RYR1: variants seen among roughly 807,000 people sequenced by gnomAD.
The protein encoded by RYR1 is ryanodine receptor 1.
In RYR1, 342 loss-of-function variants were observed where a neutral mutation model predicts 583.5. The ratio of observed to expected loss-of-function variants is 0.59; its 90% confidence interval spans 0.54 to 0.64. The LOEUF is 0.64. Ranked by LOEUF, RYR1 falls within the 30% of genes least tolerant of loss-of-function variation. The pLI, the probability that RYR1 is intolerant of heterozygous loss-of-function variation, is 0.00. For synonymous variants in RYR1, 2,791 were observed against 2,822.5 expected (o/e 0.99, Z 0.35); for missense variants, 6,032 against 6,917.2 (o/e 0.87, Z 4.54).
chr19:38,458,610 T>TTTA (rs1354010202), intron 18 of RYR1, among the ~76,000 whole-genome samples: 169 of 148,872 alleles, frequency 1.1e-3, no homozygotes, highest in East Asian at 1.0e-2. Flanking sequence ...TATTTATTTA[T>TTTA]TTTGTTTGTT....
intron 76 of RYR1, among the ~76,000 whole-genome samples, chr19:38,529,761 T>G (rs758237106): frequency 6.6e-6 from 1 of 152,180 alleles, no homozygotes; most frequent in East Asian, 1.9e-4. Flanking sequence ...ACAGGCTTAG[T>G]AATAAATAAT....
chr19:38,571,831 A>T (rs1379471404), intron 94 of RYR1, among the ~76,000 whole-genome samples, 188 bp from the exon 95 acceptor site: 1 of 152,176 alleles, frequency 6.6e-6, no homozygotes, highest in East Asian at 1.9e-4. Context: ...TCAGTTCAAT[A>T]GGCTAATTCC....
chr19:38,538,011 A>G, intron 84 of RYR1, 51 bp downstream of exon 84: 1 of 1,570,274 alleles, frequency 6.4e-7, no homozygotes, highest in South Asian at 1.1e-5. Flanking sequence ...TGGGGCTGGT[A>G]CGGAAGGGTT....
intron 93 of RYR1, 42 bp downstream of exon 93, chr19:38,567,959 G>A: frequency 1.2e-6 from 2 of 1,608,750 alleles, no homozygotes; most frequent in Non-Finnish European, 1.7e-6. Context: ...TTCTCCCCGG[G>A]AGCCCCACCT....
At chr19:38,450,638 G>T (rs563708732) in intron 11 of RYR1, among the ~76,000 whole-genome samples, 1 of 152,236 alleles carries the variant, frequency 6.6e-6, no homozygotes, top group South Asian at 2.1e-4. Context: ...GGGTGCAAAA[G>T]ACTGGTTGGA....
Position 38,493,639 on chromosome 19 carries a change from C to T in RYR1, c.6275-713C>T, listed in dbSNP as rs144967889. On this transcript the variant is annotated intron_variant, in intron 38 of 105. Transcript: ENST00000359596. The stretch of plus-strand genomic sequence containing the variant: ...GGTTCAAGCGATTCTCCTGCTTCAG[C>T]CTCCAGAGTAGCTGGGACTACAGGC... Among the ~76,000 whole-genome samples the T allele has an allele frequency of 4.4e-3, 664 of 151,914 alleles. 3 individuals are homozygous for T. Among genetic ancestry groups the T allele is most frequent in the African/African-American group, 0.015 (638 of 41,424 alleles).
Position 38,483,241 on chromosome 19 carries a change from G to A in RYR1, c.4708-49G>A. ...GGTCTCCCTGGAAGTGGTGTGGTGGGACAGAGGGGGCTGGCCATCTTGACC... is the reference window on the plus strand; with the variant it reads ...GGTCTCCCTGGAAGTGGTGTGGTGGAACAGAGGGGGCTGGCCATCTTGACC... On this transcript the variant is annotated intron_variant, in intron 32 of 105. Coordinates refer to ENST00000359596, the MANE Select transcript of RYR1 (RefSeq NM_000540.3). This position sits in a 1 kb window ranked among gnomAD's most constrained non-coding sequence, Gnocchi z 6.3. The A allele has an allele frequency of 6.3e-7, 1 of 1,575,674 alleles. No homozygotes were observed.
At position 38,575,829 on chromosome 19, in the gene RYR1, G is replaced by A. The variant is rs1973932125; in HGVS notation, c.14130-90G>A. The A allele has an allele frequency of 4.4e-6, 6 of 1,366,700 alleles. No homozygotes were observed. The Admixed American group carries it at 6.7e-5, about 15-fold the overall frequency. The allele number at this position is 1,366,700 out of a possible 1,614,324, so 84.7% of individuals were successfully genotyped here. On this transcript the variant is annotated intron_variant, in intron 96 of 105. Coordinates refer to ENST00000359596, the MANE Select transcript of RYR1 (RefSeq NM_000540.3). ...AAAAAAAAGGAAAAAGAAAAACAGT[G>A]GAGTTTCAGCCAACCCTGTCGTGGC...
At chr19:38,460,326 G>A (rs937182574) in intron 19 of RYR1, 49 bp from the exon 20 acceptor site, 5 of 1,536,236 alleles carry the variant, frequency 3.3e-6, no homozygotes, top group Non-Finnish European at 4.5e-6. Context: ...ACCACAGACT[G>A]TCCCCCATAA....
In RYR1 at chr19:38,527,650, G is replaced by A; in HGVS notation, c.10690G>A (p.Glu3564Lys). Reference protein sequence around the residue: ...HNNLHLQGKVEGSPSLRWQMA... With the variant: ...HNNLHLQGKVKGSPSLRWQMA... ...CACTCCTTCTTCCTCCCTTCAGGTC[G>A]AAGGCTCCCCGTCTCTGCGCTGGCA... is the stretch of plus-strand genomic sequence containing the variant. The change falls in exon 73 of 106, where the codon GAA becomes AAA. Residue 3564 changes from glutamate (E) to lysine (K), a missense_variant. Physicochemically the swap from Glu to Lys is moderately conservative, Grantham distance 56. Coordinates refer to ENST00000359596, the MANE Select transcript of RYR1 (RefSeq NM_000540.3). 6.2e-7 allele frequency: 1 copy of A among 1,614,090 alleles called. No individual in the cohort carries two copies. Among genetic ancestry groups the A allele is most frequent in the African/African-American group, 1.3e-5 (1 of 75,068 alleles).
chr19:38,494,798 A>G (rs1969733081), intron 39 of RYR1, among the ~76,000 whole-genome samples, 173 bp downstream of exon 39: 1 of 150,200 alleles, frequency 6.7e-6, no homozygotes, highest in Admixed American at 6.6e-5. Flanking sequence ...CTCCGCCCTC[A>G]GTGGTAGCAG....
At position 38,444,640 on chromosome 19, in the gene RYR1, A is replaced by G. The variant is rs2229139; in HGVS notation, c.594A>G (p.Leu198=). 0.62 allele frequency: 1,004,934 copies of G among 1,612,584 alleles called. 316,828 individuals are homozygous for G. The highest frequency in any genetic ancestry group is 0.68 in the Admixed American group (40,548 of 59,862). Residue 198 remains leucine, a synonymous_variant, in exon 7 of 106, where the codon CTA becomes CTG. Coordinates refer to ENST00000359596, the MANE Select transcript of RYR1 (RefSeq NM_000540.3). This position sits in a 1 kb window ranked among gnomAD's most constrained non-coding sequence, Gnocchi z 5.1. ...TTGACGCTTCCTTCATGCAGACACT[A>G]TGGAACATGAACCCCATCTGCTCCC... The part of the protein sequence containing the change: ...LQVDASFMQT[L]WNMNPICSRC...
chr19:38,537,987 G>C (rs747814589), intron 84 of RYR1, 27 bp downstream of exon 84: 3 of 1,598,572 alleles, frequency 1.9e-6, no homozygotes, highest in East Asian at 4.5e-5. Context: ...TGGGGTGGAG[G>C]GGAAGCCGAG....
In RYR1 at chr19:38,500,735, G is replaced by A. The variant is rs762924971; in HGVS notation, c.7444+9G>A. 5.0e-6 allele frequency: 8 copies of A among 1,614,072 alleles called. No homozygotes were observed. The South Asian group carries it at 6.6e-5, about 13-fold the overall frequency. On this transcript the variant is annotated intron_variant, in intron 46 of 105. Transcript: ENST00000359596. This position sits in a 1 kb window ranked among gnomAD's most constrained non-coding sequence, Gnocchi z 5.9. ...TCCCACCCTGGGCAAAGGTGCAGAG[G>A]GGATGGAACTTGGCGAAGGAGTGAT... is the stretch of plus-strand genomic sequence containing the variant.
intron 27 of RYR1, among the ~76,000 whole-genome samples, chr19:38,470,394 C>T (rs561915629): frequency 3.3e-5 from 5 of 149,450 alleles, no homozygotes; most frequent in Admixed American, 6.7e-5. Context: ...GCTGATTACA[C>T]GACTGCACTC....
chr19:38,567,722 A>G (rs373828725), intron 92 of RYR1, 51 bp from the exon 93 acceptor site: 222 of 1,613,892 alleles, frequency 1.4e-4, no homozygotes, highest in Non-Finnish European at 1.8e-4. Flanking sequence ...GAATGAACTC[A>G]TGCATTGCCT....
In RYR1 at chr19:38,500,499, A is replaced by G; in HGVS notation, c.7324-107A>G. 1 of 1,514,914 alleles carries G rather than the reference A, an allele frequency of 6.6e-7. No homozygotes were observed. The highest frequency in any genetic ancestry group is 9.1e-7 in the Non-Finnish European group (1 of 1,100,256). 93.8% of individuals were successfully genotyped at this position (1,514,914 alleles called of 1,614,324 possible). ...TGGAAACTCTAGACAGCCTCCTGAG[A>G]AAGAGGCCTGCTCTACCCTCCTGTG... On this transcript the variant is annotated intron_variant, in intron 45 of 105. Coordinates refer to ENST00000359596, the MANE Select transcript of RYR1 (RefSeq NM_000540.3). This position sits in a 1 kb window ranked among gnomAD's most constrained non-coding sequence, Gnocchi z 5.9.
At chr19:38,472,404 A>G (rs968534119) in intron 27 of RYR1, among the ~76,000 whole-genome samples, 2 of 152,088 alleles carry the variant, frequency 1.3e-5, no homozygotes, top group Non-Finnish European at 2.9e-5. Context: ...CCCTGTCGCT[A>G]TTTGTGGAAT....
intron 11 of RYR1, among the ~76,000 whole-genome samples, chr19:38,449,239 C>T (rs938423187): frequency 3.3e-5 from 5 of 152,048 alleles, no homozygotes; most frequent in African/African-American, 1.2e-4. Flanking sequence ...GCGGTTGGAT[C>T]ACCTGAGGTC....
Sources: gnomAD v4.1 joint callset for allele counts (sites outside exome capture counted in the v4.1 genomes callset) on GRCh38, gnomAD v4.1.1 for gene constraint, Gnocchi (gnomAD v3.1) non-coding constraint, MANE v1.5 for transcripts, NCBI Gene and HGNC (gene_info 2026-07-23, HGNC 2026-07-21) for gene names.